CELF4: variants seen among roughly 807,000 people sequenced by gnomAD.
CELF4 encodes the protein CUG-BP- and ETR-3-like factor 4.
Under a neutral mutation model 59.9 loss-of-function variants are expected in CELF4, and 18 were observed. The observed-to-expected ratio is 0.30, with a 90% confidence interval of 0.21 to 0.45. The LOEUF (loss-of-function observed/expected upper bound fraction) is 0.45. Among genes scored for constraint, CELF4 ranks in the 20% least tolerant of loss-of-function variants. CELF4 has a pLI of 1.00. For missense variants in CELF4, 456 were observed against 689.0 expected (o/e 0.66, Z 3.79); for synonymous variants, 261 against 267.1 (o/e 0.98, Z 0.22).
intron 1 of CELF4, among the ~76,000 whole-genome samples, chr18:37,554,635 CAG>C (rs1220752652): frequency 6.6e-6 from 1 of 152,170 alleles, no homozygotes; most frequent in Non-Finnish European, 1.5e-5. Context: ...ACTCTGGAAA[CAG>C]AGAATGATCA....
chr18:37,273,654 G>T (rs62085176), intron 6 of CELF4: 2 of 988,230 alleles, frequency 2.0e-6, no homozygotes, highest in Non-Finnish European at 2.4e-6. Flanking sequence ...GCGGACAGGG[G>T]AGGCTGCGGA....
chr18:37,456,203 G>C (rs1158033907), intron 2 of CELF4, among the ~76,000 whole-genome samples: 1 of 152,060 alleles, frequency 6.6e-6, no homozygotes, highest in Non-Finnish European at 1.5e-5. Context: ...TCCTTCTCCA[G>C]GGCAGACACC....
chr18:37,270,653 T>A, intron 8 of CELF4, 115 bp downstream of exon 8: 1 of 1,277,382 alleles, frequency 7.8e-7, no homozygotes. Flanking sequence ...ACTTGGGGTT[T>A]CATCAAGGAA....
intron 2 of CELF4, among the ~76,000 whole-genome samples, chr18:37,344,123 C>G (rs1236337482): frequency 6.6e-6 from 1 of 152,242 alleles, no homozygotes; most frequent in African/African-American, 2.4e-5. Flanking sequence ...CCACTGCTGG[C>G]TTGATGTGGC....
At chr18:37,441,033 G>A (rs1251108620) in intron 2 of CELF4, among the ~76,000 whole-genome samples, 1 of 152,244 alleles carries the variant, frequency 6.6e-6, no homozygotes, top group African/African-American at 2.4e-5. Flanking sequence ...CACCACAACC[G>A]TATCTGCCGC....
At chr18:37,348,896 C>T (rs1273331706) in intron 2 of CELF4, among the ~76,000 whole-genome samples, 4 of 152,106 alleles carry the variant, frequency 2.6e-5, no homozygotes, top group Non-Finnish European at 5.9e-5. Context: ...TAGAGACTCC[C>T]CCAGGGGAGC....
At chr18:37,533,621 C>T (rs947686229) in intron 1 of CELF4, among the ~76,000 whole-genome samples, 6 of 152,188 alleles carry the variant, frequency 3.9e-5, no homozygotes, top group African/African-American at 1.4e-4. Flanking sequence ...TTCTGGTGAG[C>T]AAACACAGCA....
intron 1 of CELF4, among the ~76,000 whole-genome samples, chr18:37,555,682 C>A (rs1193622405): frequency 1.3e-5 from 2 of 152,280 alleles, no homozygotes; most frequent in East Asian, 3.9e-4. Flanking sequence ...ATACGCTGAC[C>A]TTTGTCCACA....
intron 2 of CELF4, among the ~76,000 whole-genome samples, chr18:37,483,830 A>C (rs1315645553): frequency 6.6e-6 from 1 of 152,232 alleles, no homozygotes; most frequent in Non-Finnish European, 1.5e-5. Flanking sequence ...ATTACCTTTG[A>C]TATGTGACCT....
At chr18:37,547,875 G>A (rs913535431) in intron 1 of CELF4, among the ~76,000 whole-genome samples, 2 of 152,012 alleles carry the variant, frequency 1.3e-5, no homozygotes, top group Admixed American at 6.6e-5. Context: ...ATCTGGGTCC[G>A]TGTGTGTATC....
intron 2 of CELF4, among the ~76,000 whole-genome samples, chr18:37,426,407 G>A (rs573963870): frequency 1.3e-5 from 2 of 152,304 alleles, no homozygotes; most frequent in East Asian, 3.9e-4. Context: ...TCCAGTGGCT[G>A]GGGAGGGGAC....
chr18:37,482,260 C>A (rs1315271800), intron 2 of CELF4, among the ~76,000 whole-genome samples: 3 of 152,058 alleles, frequency 2.0e-5, no homozygotes, highest in African/African-American at 7.2e-5. Flanking sequence ...TGACTGTCCC[C>A]TGTGAATAGT....
At chr18:37,488,811 T>G (rs2099888925) in intron 1 of CELF4, among the ~76,000 whole-genome samples, 2 of 151,090 alleles carry the variant, frequency 1.3e-5, no homozygotes, top group Non-Finnish European at 2.9e-5. Flanking sequence ...AGAGAGGAGG[T>G]GGAAAGGGAA....
chr18:37,422,038 C>A (rs2099581318), intron 2 of CELF4, among the ~76,000 whole-genome samples: 1 of 152,222 alleles, frequency 6.6e-6, no homozygotes, highest in South Asian at 2.1e-4. Flanking sequence ...AACTGAAATC[C>A]CTCTTGCTGG....
At chr18:37,346,834 C>T (rs77250168) in intron 2 of CELF4, among the ~76,000 whole-genome samples, 62 of 152,124 alleles carry the variant, frequency 4.1e-4, no homozygotes, top group Admixed American at 1.5e-3. Context: ...CTCATGCTAC[C>T]GCTGGGATGA....
chr18:37,558,614 G>A lies in CELF4; in HGVS notation c.286+6742C>T, dbSNP rs955958615. On this transcript the variant is annotated intron_variant, in intron 1 of 12. Coordinates refer to ENST00000420428, the MANE Select transcript of CELF4 (RefSeq NM_020180.4). The stretch of plus-strand genomic sequence containing the variant: ...CTAGGCTGTTTGGGTAGGACTGGAT[G>A]CTTTCTGCAATTCTTGGAGAGGCTG... Among the ~76,000 whole-genome samples, 11 of 151,862 alleles carry A rather than the reference G, an allele frequency of 7.2e-5. No homozygotes were observed. In the East Asian group the frequency reaches 1.9e-3, roughly 27 times the overall value.
intron 2 of CELF4, among the ~76,000 whole-genome samples, chr18:37,381,110 TCATCCATCCATCCATCCATC>T (rs373054331): frequency 2.2e-5 from 3 of 134,648 alleles, no homozygotes; most frequent in East Asian, 2.4e-4. Flanking sequence ...CCATCCACCA[TCATCCATCCATCCATCCATC>T]CATCCATCCA....
intron 2 of CELF4, among the ~76,000 whole-genome samples, chr18:37,451,267 G>C (rs1215701599): frequency 6.6e-6 from 1 of 152,182 alleles, no homozygotes; most frequent in African/African-American, 2.4e-5. Flanking sequence ...CCTGATAAGG[G>C]AGGTGGACAG....
intron 3 of CELF4, among the ~76,000 whole-genome samples, chr18:37,285,085 G>A (rs1487589762): frequency 1.3e-5 from 2 of 152,206 alleles, no homozygotes; most frequent in African/African-American, 2.4e-5. Flanking sequence ...TTGGTTGAGA[G>A]CCCCAAGGGG....
Sources: gnomAD v4.1 joint callset for allele counts (sites outside exome capture counted in the v4.1 genomes callset) on GRCh38, gnomAD v4.1.1 for gene constraint, MANE v1.5 for transcripts, NCBI Gene and HGNC (gene_info 2026-07-23, HGNC 2026-07-21) for gene names.